The following NEK10 variants were observed in gnomAD, a reference collection of about 807,000 sequenced individuals.
NEK10 encodes NIMA related kinase 10, also known as serine/threonine-protein kinase Nek10.
Under a neutral mutation model 159.8 loss-of-function variants are expected in NEK10, and 122 were observed. That is an observed-to-expected ratio of 0.76 (90% CI 0.66 to 0.89). The LOEUF (loss-of-function observed/expected upper bound fraction) is 0.89. NEK10 is among the 40% of genes least tolerant of loss of function. The probability of loss-of-function intolerance (pLI) is 0.00; values close to 1 mark genes in which losing one functional copy is unlikely to be tolerated. For missense variants in NEK10, 1,342 were observed against 1,323.1 expected (o/e 1.01, Z -0.22); for synonymous variants, 466 against 457.1 (o/e 1.02, Z -0.25).
chr3:27,237,066 G>A (rs1229366073), intron 23 of NEK10, among the ~76,000 whole-genome samples: 1 of 152,088 alleles, frequency 6.6e-6, no homozygotes, highest in Non-Finnish European at 1.5e-5. Context: ...AATATTCCTT[G>A]CCGGGAAAAG....
chr3:27,221,881 A>G (rs1466869797), intron 23 of NEK10, among the ~76,000 whole-genome samples: 1 of 152,102 alleles, frequency 6.6e-6, no homozygotes, highest in African/African-American at 2.4e-5. Context: ...CTCCTTAGGG[A>G]GGGCTTGGCT....
rs140764333 is a variant in NEK10 at position 27,175,593 on chromosome 3, G to A, written c.2506-760C>T. Among the ~76,000 whole-genome samples, 472 of 152,250 alleles carry A rather than the reference G, an allele frequency of 3.1e-3. 4 individuals carry two copies. Among genetic ancestry groups the A allele is most frequent in the African/African-American group, 0.011 (458 of 41,544 alleles). Reference sequence around the variant, plus strand: ...CATTTTTCTAAGAGAAAGACCGTGCGGAAGGAATGACTATGAATCAGTAAA... The same window carrying A: ...CATTTTTCTAAGAGAAAGACCGTGCAGAAGGAATGACTATGAATCAGTAAA... On this transcript the variant is annotated intron_variant, in intron 26 of 35. Coordinates refer to ENST00000691995, the MANE Select transcript of NEK10 (RefSeq NM_001394966.1).
At chr3:27,253,532 C>T (rs1955877591) in intron 23 of NEK10, among the ~76,000 whole-genome samples, 1 of 152,158 alleles carries the variant, frequency 6.6e-6, no homozygotes, top group African/African-American at 2.4e-5. Context: ...CTAGTACAAT[C>T]GGTCCAGCAA....
intron 11 of NEK10, among the ~76,000 whole-genome samples, chr3:27,306,896 C>T (rs1200327457): frequency 6.6e-6 from 1 of 152,122 alleles, no homozygotes; most frequent in Non-Finnish European, 1.5e-5. Context: ...AATTTCATGC[C>T]TCCATGTCCA....
At chr3:27,174,552 A>C in intron 27 of NEK10, 27 bp from the exon 28 acceptor site, 1 of 1,601,746 alleles carries the variant, frequency 6.2e-7, no homozygotes, top group Non-Finnish European at 8.5e-7. Context: ...ACAATAAAAA[A>C]GCAAATGAGT....
At chr3:27,238,746 C>CGT (rs59740177) in intron 23 of NEK10, among the ~76,000 whole-genome samples, 24,315 of 137,874 alleles carry the variant, frequency 0.18, 2,203 homozygotes, top group African/African-American at 0.23. Flanking sequence ...CCTCCCCTTT[C>CGT]GTGTGTGTGT....
At chr3:27,232,881 C>A (rs1953460728) in intron 23 of NEK10, among the ~76,000 whole-genome samples, 1 of 152,046 alleles carries the variant, frequency 6.6e-6, no homozygotes, top group African/African-American at 2.4e-5. Context: ...AAAACTGGAT[C>A]CCCATCTCTC....
chr3:27,330,307 T>C (rs1035764570), intron 5 of NEK10, among the ~76,000 whole-genome samples: 1 of 152,230 alleles, frequency 6.6e-6, no homozygotes, highest in African/African-American at 2.4e-5. Context: ...TCTTAGGTTG[T>C]TAAAGCTTAT....
intron 31 of NEK10, among the ~76,000 whole-genome samples, chr3:27,136,437 T>C (rs537429258): frequency 6.6e-6 from 1 of 152,252 alleles, no homozygotes; most frequent in South Asian, 2.1e-4. Flanking sequence ...TAAAAGATGC[T>C]ATATATCCTG....
intron 26 of NEK10, among the ~76,000 whole-genome samples, chr3:27,177,626 A>T (rs1455725971): frequency 1.3e-5 from 2 of 152,096 alleles, no homozygotes; most frequent in Non-Finnish European, 2.9e-5. Context: ...ATAATTTTTG[A>T]CCTTGCCATA....
intron 7 of NEK10, among the ~76,000 whole-genome samples, chr3:27,313,978 C>A (rs536320902): frequency 6.6e-6 from 1 of 152,144 alleles, no homozygotes; most frequent in Non-Finnish European, 1.5e-5. Context: ...TCCCAAAGTG[C>A]GAGGATTACA....
intron 6 of NEK10, among the ~76,000 whole-genome samples, chr3:27,315,669 TG>T (rs2149618299): frequency 6.6e-6 from 1 of 152,334 alleles, no homozygotes; most frequent in African/African-American, 2.4e-5. Flanking sequence ...AGTTAGGCTC[TG>T]GAGACACACA....
At chr3:27,328,091 A>G (rs2046139351) in intron 5 of NEK10, among the ~76,000 whole-genome samples, 1 of 152,170 alleles carries the variant, frequency 6.6e-6, no homozygotes, top group Non-Finnish European at 1.5e-5. Context: ...TCAGAAACCC[A>G]TCAAATGGAT....
chr3:27,322,302 C>G (rs1199483571), intron 5 of NEK10, 41 bp from the exon 6 acceptor site: 1 of 1,197,652 alleles, frequency 8.3e-7, no homozygotes, highest in Non-Finnish European at 1.2e-6. Context: ...CGTTTAAAAT[C>G]CCAGTGTGGC....
At chr3:27,359,746 G>A (rs2048551034) in intron 1 of NEK10, among the ~76,000 whole-genome samples, 1 of 152,144 alleles carries the variant, frequency 6.6e-6, no homozygotes, top group Non-Finnish European at 1.5e-5. Context: ...AGGGTATATG[G>A]GAATTCTGTG....
chr3:27,169,889 C>T (rs896314771), intron 29 of NEK10, among the ~76,000 whole-genome samples: 5 of 152,106 alleles, frequency 3.3e-5, no homozygotes, highest in African/African-American at 4.8e-5. Flanking sequence ...CAATCTGGCT[C>T]TCTCTCTCTC....
chr3:27,291,653 A>AT, intron 16 of NEK10, 67 bp from the exon 17 acceptor site: 4 of 929,046 alleles, frequency 4.3e-6, no homozygotes, highest in Non-Finnish European at 6.9e-6. Flanking sequence ...TCCCTTTTTT[A>AT]TTTTTTTGAG....
At chr3:27,173,255 C>T (rs1947181067) in intron 28 of NEK10, among the ~76,000 whole-genome samples, 2 of 152,130 alleles carry the variant, frequency 1.3e-5, no homozygotes, top group Non-Finnish European at 2.9e-5. Context: ...CATAACCATC[C>T]TTGCCAAGTT....
chr3:27,147,782 C>G (rs1444515598), intron 30 of NEK10, among the ~76,000 whole-genome samples: 3 of 152,162 alleles, frequency 2.0e-5, no homozygotes, highest in Non-Finnish European at 4.4e-5. Context: ...AACTTGATCA[C>G]AAAAATGGTA....
Sources: allele counts gnomAD v4.1 joint callset (sites outside exome capture counted in the v4.1 genomes callset), GRCh38; gene constraint gnomAD v4.1.1; transcripts MANE v1.5; gene names NCBI Gene and HGNC (gene_info 2026-07-23, HGNC 2026-07-21).